Variants in VCAM1 observed in about 807,000 individuals in gnomAD.
VCAM1 encodes the protein vascular cell adhesion protein 1.
Under a neutral mutation model 63.8 loss-of-function variants are expected in VCAM1, and 41 were observed. That is an observed-to-expected ratio of 0.64 (90% CI 0.50 to 0.83). The LOEUF is 0.83. VCAM1 is among the 40% of genes least tolerant of loss of function. The pLI is 0.00. For missense variants in VCAM1, 798 were observed against 875.5 expected (o/e 0.91, Z 1.12); for synonymous variants, 338 against 320.7 (o/e 1.05, Z -0.58).
rs1660099934 is a variant in VCAM1 at position 100,724,785 on chromosome 1, A to G, written c.823A>G (p.Thr275Ala). ...TCTACAGCACCTTTCTGGAAATGCA[A>G]CTCTCACCTTAATTGCTATGAGGAT... ...GNLQHLSGNA[T>A]LTLIAMRMED... The change falls in exon 4 of 9, where the codon ACT (threonine) becomes GCT (alanine). Residue 275 changes from threonine (T) to alanine (A), a missense_variant. Physicochemically the swap from Thr to Ala is moderately conservative, Grantham distance 58. Transcript: ENST00000294728. The G allele has an allele frequency of 1.9e-6, 3 of 1,613,030 alleles. No individual in the cohort carries two copies. Among genetic ancestry groups the G allele is most frequent in the South Asian group, 1.1e-5 (1 of 91,048 alleles).
Position 100,731,382 on chromosome 1 carries a change from C to T in VCAM1, c.1389C>T (p.Asn463=), listed in dbSNP as rs1426431843. The T allele has an allele frequency of 1.2e-6, 2 of 1,613,664 alleles. No individual in the cohort carries two copies. The highest frequency in any genetic ancestry group is 1.7e-6 in the Non-Finnish European group (2 of 1,179,816). The change falls in exon 6 of 9, where the codon AAC becomes AAT. Residue 463 remains asparagine, a synonymous_variant. Coordinates refer to ENST00000294728, the MANE Select transcript of VCAM1 (RefSeq NM_001078.4). This position sits in a 1 kb window ranked among gnomAD's most constrained non-coding sequence, Gnocchi z 4.2. ...ATACGGATATGAAATCTCTAGAGAA[C>T]AAAAGTTTGGAAATGACCTTCATCC... ...LEDTDMKSLE[N]KSLEMTFIPT...
At position 100,720,600 on chromosome 1, in the gene VCAM1, A is replaced by G. The variant is rs1377931593; in HGVS notation, c.189A>G (p.Ile63Met). Residue 63 changes from isoleucine (I) to methionine (M), a missense_variant, in exon 2 of 9, where the codon ATA (isoleucine) becomes ATG (methionine). By Grantham distance (10) the Ile-to-Met change is conservative. Transcript: ENST00000294728. ...CATTTTTCTCTTGGAGAACCCAGATAGATAGTCCACTGAATGGGAAGGTGA... is the reference window on the plus strand; with the variant it reads ...CATTTTTCTCTTGGAGAACCCAGATGGATAGTCCACTGAATGGGAAGGTGA... ...ESPFFSWRTQ[I>M]DSPLNGKVTN... is the part of the protein sequence containing the mutation. The G allele has an allele frequency of 6.2e-7, 1 of 1,613,112 alleles. No individual in the cohort carries two copies. The highest frequency in any genetic ancestry group is 8.5e-7 in the Non-Finnish European group (1 of 1,179,524).
intron 2 of VCAM1, 102 bp downstream of exon 2, chr1:100,720,853 C>A: frequency 1.5e-6 from 2 of 1,338,366 alleles, no homozygotes; most frequent in Admixed American, 2.6e-5. Context: ...TATTCATGTA[C>A]AGATTCTTGG....
intron 6 of VCAM1, among the ~76,000 whole-genome samples, chr1:100,732,065 G>C (rs1660482002): frequency 6.6e-6 from 1 of 152,094 alleles, no homozygotes; most frequent in East Asian, 1.9e-4. Flanking sequence ...AGATTCAAGG[G>C]GTGGAAAAAT....
chr1:100,719,915 T>C lies in VCAM1; in HGVS notation c.55T>C (p.Phe19Leu), dbSNP rs375980259. ...LGASNILWIM[F>L]AASQAFKIET... ...AGCCTCAAATATACTTTGGATAATG[T>C]TTGCAGCTTGTAAGTTATTTCCCTT... is the stretch of plus-strand genomic sequence containing the variant. Residue 19 changes from phenylalanine (F) to leucine (L), a missense_variant, in exon 1 of 9, where the codon TTT becomes CTT. Physicochemically the swap from Phe to Leu is conservative, Grantham distance 22. Coordinates refer to ENST00000294728, the MANE Select transcript of VCAM1 (RefSeq NM_001078.4). The C allele has an allele frequency of 2.1e-5, 34 of 1,610,172 alleles. No homozygotes were observed. The East Asian group carries it at 3.3e-4, about 16-fold the overall frequency.
intron 4 of VCAM1, among the ~76,000 whole-genome samples, chr1:100,725,296 A>G (rs1295145405): frequency 6.6e-6 from 1 of 151,776 alleles, no homozygotes; most frequent in Non-Finnish European, 1.5e-5. Context: ...AAATCCTGTC[A>G]GTTCTACCTC....
chr1:100,725,203 C>T (rs1464353155), intron 4 of VCAM1, among the ~76,000 whole-genome samples: 2 of 151,866 alleles, frequency 1.3e-5, no homozygotes, highest in Admixed American at 1.3e-4. Context: ...CCTGGGTCCT[C>T]TTCTGTTCTC....
chr1:100,727,956 T>A (rs1660234984), intron 4 of VCAM1, among the ~76,000 whole-genome samples: 2 of 152,114 alleles, frequency 1.3e-5, no homozygotes, highest in African/African-American at 4.8e-5. Flanking sequence ...TATTTATATA[T>A]TGAGATTTCT....
chr1:100,720,402 T>TA, intron 1 of VCAM1, 74 bp from the exon 2 acceptor site: 1 of 1,518,978 alleles, frequency 6.6e-7, no homozygotes, highest in Non-Finnish European at 8.9e-7. Flanking sequence ...TTTTAGACAT[T>TA]ATACAGAGAA....
intron 3 of VCAM1, among the ~76,000 whole-genome samples, chr1:100,723,698 C>T (rs140817847): frequency 6.6e-6 from 1 of 152,066 alleles, no homozygotes; most frequent in Non-Finnish European, 1.5e-5. Flanking sequence ...TTATAGTATG[C>T]CTTGAACTAT....
At chr1:100,722,635 G>C (rs1659994007) in intron 2 of VCAM1, among the ~76,000 whole-genome samples, 1 of 151,962 alleles carries the variant, frequency 6.6e-6, no homozygotes, top group African/African-American at 2.4e-5. Flanking sequence ...ACTAAGTCCA[G>C]GTCTTCTTTT....
In VCAM1 at chr1:100,728,715, A is replaced by AATATATATAT. The variant is rs35811606; in HGVS notation, c.929-378_929-369dup. 4.0e-3 allele frequency among the ~76,000 whole-genome samples: 582 copies of AATATATATAT among 145,016 alleles called. 4 individuals carry two copies. Among genetic ancestry groups the AATATATATAT allele is most frequent in the African/African-American group, 0.014 (540 of 39,000 alleles). ...AAAATTGTTGTGAGGATTAAATGAGAATATATATATATATATATATATAGT... is the reference window on the plus strand; with the variant it reads ...AAAATTGTTGTGAGGATTAAATGAGAATATATATATATATATATATATATATATATATAGT... On this transcript the variant is annotated intron_variant, in intron 4 of 8. Coordinates refer to ENST00000294728, the MANE Select transcript of VCAM1 (RefSeq NM_001078.4).
intron 3 of VCAM1, among the ~76,000 whole-genome samples, chr1:100,724,086 G>T (rs1014690351): frequency 1.3e-5 from 2 of 152,022 alleles, no homozygotes; most frequent in African/African-American, 4.8e-5. Flanking sequence ...ACAAAACCTG[G>T]CTGGAAAAGA....
intron 6 of VCAM1, among the ~76,000 whole-genome samples, 192 bp from the exon 7 acceptor site, chr1:100,732,226 C>T (rs893475617): frequency 3.9e-5 from 6 of 152,252 alleles, no homozygotes; most frequent in Admixed American, 3.3e-4. Flanking sequence ...AACACCATGA[C>T]GTGTCCATGT....
chr1:100,728,663 A>G (rs904941159), intron 4 of VCAM1, among the ~76,000 whole-genome samples: 2 of 151,662 alleles, frequency 1.3e-5, no homozygotes, highest in African/African-American at 4.8e-5. Flanking sequence ...AAGAGAAGGC[A>G]AAGAAGAAAG....
At chr1:100,725,595 TTA>T (rs1307061704) in intron 4 of VCAM1, among the ~76,000 whole-genome samples, 1 of 152,060 alleles carries the variant, frequency 6.6e-6, no homozygotes, top group Non-Finnish European at 1.5e-5. Flanking sequence ...TTTATATATT[TTA>T]TCTCATTAAT....
chr1:100,729,064 G>T (rs970232971), intron 4 of VCAM1, 43 bp from the exon 5 acceptor site: 4 of 1,472,824 alleles, frequency 2.7e-6, no homozygotes, highest in African/African-American at 2.8e-5. Context: ...AAAAAGAAAA[G>T]AATCTTATGT....
intron 4 of VCAM1, among the ~76,000 whole-genome samples, chr1:100,728,310 A>G (rs767578943): frequency 6.6e-6 from 1 of 152,042 alleles, no homozygotes; most frequent in Non-Finnish European, 1.5e-5. Context: ...TTAGATTTTG[A>G]CTTTGATTTC....
Position 100,729,262 on chromosome 1 carries a change from G to A in VCAM1, c.1084G>A (p.Glu362Lys). 6.2e-7 allele frequency: 1 copy of A among 1,613,582 alleles called. No homozygotes were observed. Among genetic ancestry groups the A allele is most frequent in the African/African-American group, 1.3e-5 (1 of 74,994 alleles). ...CCCTCTGAGCGGGAAGGTGAGGAGT[G>A]AGGGGACCAATTCCACGCTGACCCT... Reference protein sequence around the residue: ...DSPLSGKVRSEGTNSTLTLSP... With the variant: ...DSPLSGKVRSKGTNSTLTLSP... The change falls in exon 5 of 9, where the codon GAG becomes AAG. Residue 362 changes from glutamate (E) to lysine (K), a missense_variant. Coordinates refer to ENST00000294728, the MANE Select transcript of VCAM1 (RefSeq NM_001078.4).
Sources: allele counts gnomAD v4.1 joint callset (sites outside exome capture counted in the v4.1 genomes callset), GRCh38; gene constraint gnomAD v4.1.1; non-coding constraint Gnocchi (gnomAD v3.1); transcripts MANE v1.5; gene names NCBI Gene and HGNC (gene_info 2026-07-23, HGNC 2026-07-21).